The following NBEA variants were observed in gnomAD, a reference collection of about 807,000 sequenced individuals.
The protein encoded by NBEA is lysosomal-trafficking regulator 2.
NBEA carries 44 observed loss-of-function variants against 343.4 expected under a neutral mutation model. That is an observed-to-expected ratio of 0.13 (90% confidence interval 0.10 to 0.16). The LOEUF is 0.16. Among genes scored for constraint, NBEA ranks in the 10% least tolerant of loss-of-function variants. NBEA has a pLI of 1.00. For missense variants in NBEA, 2,555 were observed against 3,631.3 expected, an observed-to-expected ratio of 0.70 and a Z score of 7.62; for synonymous variants, 1,175 against 1,238.7, an observed-to-expected ratio of 0.95 and a Z score of 1.08.
chr13:35,124,728 A>G (rs1455623688), intron 17 of NBEA, among the ~76,000 whole-genome samples: 1 of 151,596 alleles, frequency 6.6e-6, no homozygotes, highest in Admixed American at 6.6e-5. Flanking sequence ...ATATATACAC[A>G]TATGTATGGA....
At chr13:35,475,494 G>T (rs776894510) in intron 41 of NBEA, 2 of 1,611,998 alleles carry the variant, frequency 1.2e-6, no homozygotes, top group South Asian at 1.1e-5. Context: ...CCAAGGAGTG[G>T]CACTCCTTGG....
chr13:35,450,685 T>G (rs2046266269), intron 39 of NBEA, among the ~76,000 whole-genome samples: 1 of 152,206 alleles, frequency 6.6e-6, no homozygotes, highest in Non-Finnish European at 1.5e-5. Context: ...CATATAGGAC[T>G]GATTTATAAG....
Position 35,058,849 on chromosome 13 carries a change from G to C in NBEA, c.1225G>C (p.Gly409Arg). Residue 409 changes from glycine (G) to arginine (R), a missense_variant, in exon 8 of 59, where the codon GGA becomes CGA. Physicochemically the swap from Gly to Arg is moderately radical, Grantham distance 125. Around this residue, in one of 21 missense-constraint regions of NBEA, gnomAD observed 75 missense variants for 237.4 expected, o/e 0.32. Coordinates refer to ENST00000379939, the MANE Select transcript of NBEA (RefSeq NM_001385012.1). ...PAQIFAIHQL[G>R]PGYKSTFKFK... The stretch of plus-strand genomic sequence containing the variant: ...ACAGATATTTGCAATTCATCAGTTA[G>C]GACCTGGATATAAGGTAGTAATAAC... The C allele has an allele frequency of 6.2e-7, 1 of 1,604,884 alleles. No individual in the cohort carries two copies. Among genetic ancestry groups the C allele is most frequent in the Non-Finnish European group, 8.5e-7 (1 of 1,175,558 alleles).
intron 38 of NBEA, among the ~76,000 whole-genome samples, chr13:35,389,702 T>C (rs894272560): frequency 6.6e-6 from 1 of 152,170 alleles, no homozygotes; most frequent in Non-Finnish European, 1.5e-5. Context: ...GCATTTATTA[T>C]AATTATCAAG....
At chr13:35,045,944 C>A (rs1313160349) in intron 4 of NBEA, among the ~76,000 whole-genome samples, 1 of 152,036 alleles carries the variant, frequency 6.6e-6, no homozygotes, top group Non-Finnish European at 1.5e-5. Context: ...CCAGGCTGCT[C>A]TCAAACTCCT....
chr13:35,334,982 T>C (rs1467031327), intron 36 of NBEA, among the ~76,000 whole-genome samples: 1 of 152,124 alleles, frequency 6.6e-6, no homozygotes, highest in East Asian at 1.9e-4. Flanking sequence ...AGTTTTATGG[T>C]TTGAGTTTAT....
chr13:34,995,269 A>G (rs1001489175), intron 1 of NBEA, among the ~76,000 whole-genome samples: 1 of 152,110 alleles, frequency 6.6e-6, no homozygotes, highest in Non-Finnish European at 1.5e-5. Context: ...CCTGCCCAAC[A>G]TGGTGAAACC....
chr13:35,352,294 A>G lies in NBEA; in HGVS notation c.6150A>G (p.Lys2050=), dbSNP rs368067602. ...KQKILNILTN[K]HGAWGAVSHS... is the part of the protein sequence containing the mutation. Reference sequence around the variant, plus strand: ...AGATTCTCAATATTCTCACAAATAAACATGGTGCTTGGGGAGCAGTTTCTC... The same window carrying G: ...AGATTCTCAATATTCTCACAAATAAGCATGGTGCTTGGGGAGCAGTTTCTC... The change falls in exon 38 of 59, where the codon AAA becomes AAG. Residue 2050 remains lysine, a synonymous_variant. Transcript: ENST00000379939. The G allele has an allele frequency of 6.3e-5, 96 of 1,532,860 alleles. 1 individual carries two copies. In the Middle Eastern group the frequency reaches 1.0e-3, roughly 17 times the overall value. The allele number at this position is 1,532,860 out of a possible 1,614,324, so 95.0% of individuals were successfully genotyped here. A position where few individuals can be genotyped will look rare whatever the true frequency, so the allele number is the denominator to read the frequency against.
At chr13:35,601,141 C>T (rs1229586817) in intron 47 of NBEA, among the ~76,000 whole-genome samples, 2 of 151,104 alleles carry the variant, frequency 1.3e-5, no homozygotes, top group Admixed American at 6.6e-5. Flanking sequence ...GGCACCATTG[C>T]ACTCCAGCCT....
At chr13:35,309,093 A>G (rs1594161139) in intron 35 of NBEA, among the ~76,000 whole-genome samples, 1 of 152,208 alleles carries the variant, frequency 6.6e-6, no homozygotes, top group Admixed American at 6.5e-5. Flanking sequence ...CAATTTAAAT[A>G]TGTTAATGTT....
In NBEA at chr13:35,308,502, A is replaced by G. The variant is rs1323338060; in HGVS notation, c.5839-1026A>G. On this transcript the variant is annotated intron_variant, in intron 35 of 58. Transcript: ENST00000379939. ...TATATATATGTGTATATATATGTGT[A>G]TATATATATGTGTATATATGTATAT... 2.1e-3 allele frequency among the ~76,000 whole-genome samples: 198 copies of G among 93,216 alleles called. 1 individual carries two copies. The highest frequency in any genetic ancestry group is 8.5e-3 in the African/African-American group (176 of 20,822). The allele number at this position is 93,216 out of a possible 152,430, so 61.2% of individuals were successfully genotyped here. A position where few individuals can be genotyped will look rare whatever the true frequency, so the allele number is the denominator to read the frequency against.
At chr13:35,223,644 G>T (rs567393180) in intron 33 of NBEA, among the ~76,000 whole-genome samples, 19 of 151,960 alleles carry the variant, frequency 1.3e-4, no homozygotes, top group Admixed American at 5.3e-4. Flanking sequence ...TGTTTTCTGG[G>T]CTTCTTGTAT....
chr13:35,168,364 A>G (rs1272483581), intron 24 of NBEA, among the ~76,000 whole-genome samples: 2 of 151,588 alleles, frequency 1.3e-5, no homozygotes, highest in African/African-American at 2.4e-5. Flanking sequence ...TATAATACCT[A>G]TTTAATTACC....
Position 35,654,858 on chromosome 13 carries a change from A to G in NBEA, c.8039A>G (p.Asn2680Ser). Reference protein sequence around the residue: ...LPIEMDPLIANNSGVNKRQIT... With the variant: ...LPIEMDPLIASNSGVNKRQIT... ...GCTTTTTTCCATTTACTTTTAGCCA[A>G]TAATTCAGGTGTAAACAAACGGCAG... The change falls in exon 54 of 59, where the codon AAT (asparagine) becomes AGT (serine). Residue 2680 changes from asparagine (N) to serine (S), a missense_variant. Coordinates refer to ENST00000379939, the MANE Select transcript of NBEA (RefSeq NM_001385012.1). The G allele has an allele frequency of 6.4e-7, 1 of 1,567,452 alleles. No homozygotes were observed. Among genetic ancestry groups the G allele is most frequent in the South Asian group, 1.2e-5 (1 of 80,682 alleles).
chr13:35,277,150 G>T (rs955296251), intron 34 of NBEA, among the ~76,000 whole-genome samples: 2 of 152,170 alleles, frequency 1.3e-5, no homozygotes, highest in African/African-American at 2.4e-5. Context: ...CCTTAACACT[G>T]CTTTGTTTCC....
At chr13:35,049,792 A>G (rs2062999810) in intron 5 of NBEA, among the ~76,000 whole-genome samples, 1 of 151,866 alleles carries the variant, frequency 6.6e-6, no homozygotes, top group Non-Finnish European at 1.5e-5. Flanking sequence ...TAAACTAAAA[A>G]TGTACTGCTT....
chr13:35,655,616 G>T lies in NBEA; in HGVS notation c.8229G>T (p.Val2743=), dbSNP rs1483718227. 6.2e-7 allele frequency: 1 copy of T among 1,613,734 alleles called. No individual in the cohort carries two copies. The highest frequency in any genetic ancestry group is 1.3e-5 in the African/African-American group (1 of 74,876). ...AGATTGTATTTGGCCATTGGGATGT[G>T]GTCACTTGCTTGGCCAGGTCCGAGT... ...LTQIVFGHWD[V]VTCLARSESY... The change falls in exon 55 of 59, where the codon GTG becomes GTT. Residue 2743 remains valine, a synonymous_variant. Transcript: ENST00000379939.
chr13:35,159,544 G>A lies in NBEA; in HGVS notation c.3373G>A (p.Asp1125Asn), dbSNP rs1354854214. Reference sequence around the variant, plus strand: ...TATCATTAAAAAAAATGAAGAAAAGGATAATGGTCCATTGATAACATTAGC... The same window carrying A: ...TATCATTAAAAAAAATGAAGAAAAGAATAATGGTCCATTGATAACATTAGC... ...VGIIKKNEEK[D>N]NGPLITLADE... The change falls in exon 22 of 59, where the codon GAT becomes AAT. Residue 1125 changes from aspartate (D) to asparagine (N), a missense_variant. Coordinates refer to ENST00000379939, the MANE Select transcript of NBEA (RefSeq NM_001385012.1). The A allele has an allele frequency of 6.2e-7, 1 of 1,612,554 alleles. No individual in the cohort carries two copies.
intron 28 of NBEA, among the ~76,000 whole-genome samples, chr13:35,181,202 C>T (rs751426422): frequency 1.5e-4 from 23 of 151,790 alleles, no homozygotes; most frequent in East Asian, 3.9e-4. Context: ...AGTGGGATTC[C>T]GGGATCAAAT....
Sources: gnomAD v4.1 joint callset for allele counts (sites outside exome capture counted in the v4.1 genomes callset) on GRCh38, gnomAD v4.1.1 for gene constraint, gnomAD v4.1.1 regional missense constraint, MANE v1.5 for transcripts, NCBI Gene and HGNC (gene_info 2026-07-23, HGNC 2026-07-21) for gene names.